The following TDRKH variants were observed in gnomAD, a reference collection of about 807,000 sequenced individuals.
The protein encoded by TDRKH is tudor and KH domain containing.
Under a neutral mutation model 61.3 loss-of-function variants are expected in TDRKH, and 28 were observed. The ratio of observed to expected loss-of-function variants is 0.46; its 90% CI spans 0.34 to 0.63. The LOEUF is 0.63. Among genes scored for constraint, TDRKH ranks in the 20% least tolerant of loss-of-function variants. The pLI, the probability that TDRKH is intolerant of heterozygous loss-of-function variation, is 0.01. For synonymous variants in TDRKH, 219 were observed against 244.4 expected (o/e 0.90, Z 0.97); for missense variants, 540 against 683.4 (o/e 0.79, Z 2.34).
At chr1:151,770,275 T>C (rs773391713), downstream of TDRKH, 13 of 1,609,178 alleles carry the variant, frequency 8.1e-6, no homozygotes, top group Non-Finnish European at 1.1e-5. Context: ...TCTGCTGTTC[T>C]TCCTTGCTTT....
At chr1:151,772,769 C>T (rs1406532251), downstream of TDRKH, among the ~76,000 whole-genome samples, 1 of 152,228 alleles carries the variant, frequency 6.6e-6, no homozygotes, top group Non-Finnish European at 1.5e-5. Context: ...ACATGAGCTA[C>T]TTACCAGAGC....
In TDRKH at chr1:151,777,885, G is replaced by A. The variant is rs139505050; in HGVS notation, c.883+800C>T. 3.1e-3 allele frequency among the ~76,000 whole-genome samples: 466 copies of A among 151,646 alleles called. 3 individuals carry two copies. Among genetic ancestry groups the A allele is most frequent in the African/African-American group, 0.011 (448 of 41,332 alleles). On this transcript the variant is annotated intron_variant, in intron 6 of 12. Transcript: ENST00000368824. Reference sequence around the variant, plus strand: ...GGTTGCGCCACCATGCCCTAAGCCAGTATTTCTTTTTTTTTTAAACAGAAA... The same window carrying A: ...GGTTGCGCCACCATGCCCTAAGCCAATATTTCTTTTTTTTTTAAACAGAAA...
Position 151,782,319 on chromosome 1 carries a change from C to T in TDRKH, c.124+580G>A, listed in dbSNP as rs184462722. 6.7e-4 allele frequency among the ~76,000 whole-genome samples: 102 copies of T among 151,994 alleles called. 1 individual carries two copies. Among genetic ancestry groups the T allele is most frequent in the East Asian group, 1.7e-3 (9 of 5,148 alleles). On this transcript the variant is annotated intron_variant, in intron 2 of 12. Coordinates refer to ENST00000368824, the MANE Select transcript of TDRKH (RefSeq NM_001083965.2). The stretch of plus-strand genomic sequence containing the variant: ...AACATTAGCCAGGAGTGGTGGCACA[C>T]GCCTGTAATCCCAGCTACTAGGGTG...
rs751410659 is a variant in TDRKH, at chr1:151,775,424, T to C, written c.1402A>G (p.Lys468Glu). The change falls in exon 10 of 13, where the codon AAG becomes GAG. Residue 468 changes from lysine to glutamate, a missense_variant. Lys to Glu is a moderately conservative substitution (Grantham distance 56). Transcript: ENST00000368824. ...TTGCTAGTATCATATAAGTAGATCT[T>C]TGGCCAAGTTGAGATCCCAGTCTGG... ...YVQTGISTWPKIYLYDTSNGK... is the reference protein window; with the variant it reads ...YVQTGISTWPEIYLYDTSNGK... 1 of 1,613,834 alleles carries C rather than the reference T, an allele frequency of 6.2e-7. No homozygotes were observed. The highest frequency in any genetic ancestry group is 2.2e-5 in the East Asian group (1 of 44,896).
chr1:151,781,091 G>A (rs965576993), intron 3 of TDRKH, among the ~76,000 whole-genome samples: 7 of 151,274 alleles, frequency 4.6e-5, no homozygotes, highest in Non-Finnish European at 7.4e-5. Flanking sequence ...CGAGGCAGGC[G>A]GATCACCTGA....
At chr1:151,772,367 T>C (rs1003984331), downstream of TDRKH, among the ~76,000 whole-genome samples, 2 of 152,062 alleles carry the variant, frequency 1.3e-5, no homozygotes, top group African/African-American at 4.8e-5. Context: ...GTTGGGATTA[T>C]AGGTGTGAGC....
At chr1:151,783,165 T>C in intron 1 of TDRKH, 116 bp from the exon 2 acceptor site, 1 of 896,250 alleles carries the variant, frequency 1.1e-6, no homozygotes, top group Non-Finnish European at 1.6e-6. Flanking sequence ...CCTTCCAATT[T>C]CAAGAGCTTC....
intron 8 of TDRKH, 60 bp downstream of exon 8, chr1:151,776,036 T>C: frequency 6.3e-7 from 1 of 1,582,878 alleles, no homozygotes; most frequent in Non-Finnish European, 8.6e-7. Flanking sequence ...TGCCAACAGC[T>C]CACCACCCTA....
At chr1:151,770,124 G>A (rs1571972922), downstream of TDRKH, 3 of 1,606,754 alleles carry the variant, frequency 1.9e-6, no homozygotes, top group Non-Finnish European at 8.5e-7. Context: ...GAGAGGGAGA[G>A]GGAGAGGGAG....
chr1:151,774,831 A>C, intron 11 of TDRKH, 25 bp from the exon 12 acceptor site: 1 of 1,611,866 alleles, frequency 6.2e-7, no homozygotes. Flanking sequence ...ACAGGAAAAA[A>C]GGAGGAACAT....
At chr1:151,776,001 T>C in intron 8 of TDRKH, 95 bp downstream of exon 8, 3 of 1,568,764 alleles carry the variant, frequency 1.9e-6, no homozygotes, top group South Asian at 1.2e-5. Context: ...TGTAAACAGG[T>C]TCCCTTCCAA....
At chr1:151,785,853 A>G (rs1393942985) in intron 1 of TDRKH, among the ~76,000 whole-genome samples, 1 of 152,208 alleles carries the variant, frequency 6.6e-6, no homozygotes, top group African/African-American at 2.4e-5. Flanking sequence ...AGACTAAAAA[A>G]CTAAAGATAG....
At chr1:151,775,188 G>A in intron 10 of TDRKH, 22 bp from the exon 11 acceptor site, 4 of 1,612,268 alleles carry the variant, frequency 2.5e-6, no homozygotes, top group Non-Finnish European at 3.4e-6. Flanking sequence ...AATGAAAAGG[G>A]AATGATGTTC....
At chr1:151,790,141 G>A (rs1172366539) in intron 1 of TDRKH, among the ~76,000 whole-genome samples, 8 of 152,084 alleles carry the variant, frequency 5.3e-5, no homozygotes, top group Non-Finnish European at 1.2e-4. Flanking sequence ...CTCCCGCACC[G>A]GGTCCGTTGT....
rs60652277 is a variant in TDRKH at position 151,781,328 on chromosome 1, A to AATATATATATATATATATATATATATAT, written c.231+152_231+153insATATATATATATATATATATATATATAT. 9.1e-3 allele frequency among the ~76,000 whole-genome samples: 619 copies of AATATATATATATATATATATATATATAT among 67,904 alleles called. 29 individuals are homozygous for AATATATATATATATATATATATATATAT. Among genetic ancestry groups the AATATATATATATATATATATATATATAT allele is most frequent in the Non-Finnish European group, 0.016 (458 of 28,808 alleles). 44.5% of individuals were successfully genotyped at this position (67,904 alleles called of 152,430 possible). On this transcript the variant is annotated intron_variant, in intron 3 of 12. Transcript: ENST00000368824. ...GCGAAACTCCATCTCAAAAAAAAAA[A>AATATATATATATATATATATATATATAT]ATATATATATATATATTTTATATAT...
chr1:151,770,070 C>A (rs1300911111), downstream of TDRKH: 4 of 1,573,746 alleles, frequency 2.5e-6, no homozygotes, highest in Admixed American at 3.4e-5. Context: ...CAGAGGGAGA[C>A]CGTGGAGAGA....
In TDRKH at chr1:151,774,738, T is replaced by C. The variant is rs376140576; in HGVS notation, c.1605A>G (p.Thr535=). The C allele has an allele frequency of 7.4e-6, 12 of 1,614,074 alleles. No homozygotes were observed. The African/African-American group carries it at 1.1e-4, about 14-fold the overall frequency. ...TETKKSSGEI[T]HTLSCLSLSE... ...ATAAGCTGAGGCAGGACAGGGTATG[T>C]GTTATCTCTCCAGAGCTCTTTTTGG... is the stretch of plus-strand genomic sequence containing the variant. The change falls in exon 12 of 13, where the codon ACA becomes ACG. Residue 535 remains threonine, a synonymous_variant. Coordinates refer to ENST00000368824, the MANE Select transcript of TDRKH (RefSeq NM_001083965.2).
chr1:151,768,130 C>A, downstream of TDRKH: 1 of 1,613,998 alleles, frequency 6.2e-7, no homozygotes, highest in Non-Finnish European at 8.5e-7. Context: ...CTTTCACTTC[C>A]GCCTTACCTC....
chr1:151,788,558 A>C (rs553275538), intron 1 of TDRKH, among the ~76,000 whole-genome samples: 1 of 152,256 alleles, frequency 6.6e-6, no homozygotes, highest in Non-Finnish European at 1.5e-5. Context: ...ACAAGATTTT[A>C]TAACTAGAAG....
Sources: allele counts gnomAD v4.1 joint callset (sites outside exome capture counted in the v4.1 genomes callset), GRCh38; gene constraint gnomAD v4.1.1; transcripts MANE v1.5; gene names NCBI Gene and HGNC (gene_info 2026-07-23, HGNC 2026-07-21).